CDK19: variants seen among roughly 807,000 people sequenced by gnomAD.
CDK19 encodes cyclin-dependent kinase 19.
Under a neutral mutation model 68.3 loss-of-function variants are expected in CDK19, and 20 were observed. The observed-to-expected ratio is 0.29, with a 90% CI of 0.21 to 0.43. The LOEUF is 0.43. CDK19 is among the 20% of genes least tolerant of loss of function. The pLI is 1.00. For synonymous variants in CDK19, 221 were observed against 222.8 expected, an observed-to-expected ratio of 0.99 and a Z score of 0.07; for missense variants, 339 against 623.5, an observed-to-expected ratio of 0.54 and a Z score of 4.86.
At chr6:110,763,832 G>C (rs1285556827) in intron 1 of CDK19, among the ~76,000 whole-genome samples, 3 of 152,108 alleles carry the variant, frequency 2.0e-5, no homozygotes, top group Non-Finnish European at 4.4e-5. Flanking sequence ...CACAGACGAC[G>C]TAATTGTCTA....
intron 4 of CDK19, among the ~76,000 whole-genome samples, chr6:110,658,393 G>T (rs1171484519): frequency 6.6e-6 from 1 of 152,174 alleles, no homozygotes; most frequent in Non-Finnish European, 1.5e-5. Context: ...CATTTTAAAA[G>T]AAATCAGAAT....
chr6:110,622,855 G>C lies in CDK19; in HGVS notation c.991C>G (p.Gln331Glu). The change falls in exon 10 of 13, where the codon CAG becomes GAG. Residue 331 changes from glutamine (Q) to glutamate (E), a missense_variant. By Grantham distance (29) the Gln-to-Glu change is conservative (BLOSUM62 2). Coordinates refer to ENST00000368911, the MANE Select transcript of CDK19 (RefSeq NM_015076.5). ...GGGTCCTCCTGAAAATAGGGATCCT[G>C]CAGAGCTTGCTCCGAGGTAATTCTC... Reference protein sequence around the residue: ...TKRITSEQALQDPYFQEDPLP... With the variant: ...TKRITSEQALEDPYFQEDPLP... 6.2e-7 allele frequency: 1 copy of C among 1,613,448 alleles called. No individual in the cohort carries two copies. Among genetic ancestry groups the C allele is most frequent in the South Asian group, 1.1e-5 (1 of 91,070 alleles).
intron 5 of CDK19, 148 bp from the exon 6 acceptor site, chr6:110,632,309 T>C: frequency 1.7e-6 from 1 of 601,136 alleles, no homozygotes; most frequent in Non-Finnish European, 2.9e-6. Context: ...AGCAATCCTT[T>C]TCCTCCCTTT....
intron 8 of CDK19, 116 bp from the exon 9 acceptor site, chr6:110,623,478 T>C: frequency 1.4e-6 from 2 of 1,407,720 alleles, no homozygotes; most frequent in Non-Finnish European, 1.9e-6. Context: ...CATTGTTTTT[T>C]CTGAATAAGA....
intron 1 of CDK19, among the ~76,000 whole-genome samples, chr6:110,762,745 T>C (rs773935443): frequency 6.6e-6 from 1 of 152,200 alleles, no homozygotes; most frequent in African/African-American, 2.4e-5. Flanking sequence ...GCATTTCAAT[T>C]AGAATACTTG....
intron 2 of CDK19, among the ~76,000 whole-genome samples, chr6:110,738,047 C>A (rs993622930): frequency 1.3e-5 from 2 of 152,092 alleles, no homozygotes; most frequent in African/African-American, 4.8e-5. Flanking sequence ...AAAAAAAATT[C>A]TTTTTCTACT....
chr6:110,669,986 C>T (rs1469483271), intron 3 of CDK19, among the ~76,000 whole-genome samples: 8 of 151,420 alleles, frequency 5.3e-5, no homozygotes, highest in African/African-American at 1.9e-4. Context: ...GGAGAAACCC[C>T]GTCTCTACTA....
chr6:110,768,188 A>G (rs1255142290), intron 1 of CDK19, among the ~76,000 whole-genome samples: 2 of 152,246 alleles, frequency 1.3e-5, no homozygotes, highest in African/African-American at 4.8e-5. Flanking sequence ...AAATTAAAAC[A>G]CACCACTGTA....
intron 4 of CDK19, among the ~76,000 whole-genome samples, chr6:110,644,855 A>G (rs1780447546): frequency 1.3e-5 from 2 of 152,170 alleles, no homozygotes; most frequent in Admixed American, 6.6e-5. Flanking sequence ...GTGTCTGTAA[A>G]AATTAAAAAA....
intron 2 of CDK19, among the ~76,000 whole-genome samples, chr6:110,714,888 C>T (rs775816739): frequency 1.1e-4 from 17 of 151,960 alleles, no homozygotes; most frequent in Non-Finnish European, 1.9e-4. Context: ...CATGCGCCAC[C>T]ACGCCCGGCT....
chr6:110,694,556 A>G (rs186492607), intron 2 of CDK19, among the ~76,000 whole-genome samples: 46 of 152,356 alleles, frequency 3.0e-4, no homozygotes, highest in Middle Eastern at 3.4e-3. Context: ...CAACACAGTA[A>G]TAGTGGGGGA....
intron 3 of CDK19, among the ~76,000 whole-genome samples, chr6:110,669,589 T>C: frequency 6.6e-6 from 1 of 152,224 alleles, no homozygotes; most frequent in East Asian, 1.9e-4. Flanking sequence ...AAGACCAGCT[T>C]GTGCAAGGTG....
intron 1 of CDK19, among the ~76,000 whole-genome samples, chr6:110,797,582 A>G (rs983401822): frequency 1.3e-5 from 2 of 152,248 alleles, no homozygotes; most frequent in Non-Finnish European, 2.9e-5. Flanking sequence ...GGAAGAAAGC[A>G]GCAATGAAAA....
chr6:110,669,064 A>C lies in CDK19; in HGVS notation c.315+1367T>G, dbSNP rs181858055. ...CAACATCATCTTCTTTCATCACCCC[A>C]CTGATGTTCAAAGTAAAGTACATAC... is the stretch of plus-strand genomic sequence containing the variant. On this transcript the variant is annotated intron_variant, in intron 3 of 12. Coordinates refer to ENST00000368911, the MANE Select transcript of CDK19 (RefSeq NM_015076.5). 2.1e-3 allele frequency among the ~76,000 whole-genome samples: 317 copies of C among 152,210 alleles called. 2 individuals carry two copies. Among genetic ancestry groups the C allele is most frequent in the African/African-American group, 7.4e-3 (306 of 41,522 alleles).
intron 2 of CDK19, among the ~76,000 whole-genome samples, chr6:110,742,801 T>A (rs914927658): frequency 1.3e-5 from 2 of 152,206 alleles, no homozygotes; most frequent in African/African-American, 4.8e-5. Flanking sequence ...TCCTGTTTTC[T>A]GTTGAGATGT....
chr6:110,655,295 G>A (rs923188718), intron 4 of CDK19, among the ~76,000 whole-genome samples: 30 of 151,848 alleles, frequency 2.0e-4, no homozygotes, highest in Admixed American at 7.2e-4. Context: ...GAACCCAGGA[G>A]GCAGAGGTTG....
At chr6:110,676,067 C>T (rs1771506306) in intron 2 of CDK19, among the ~76,000 whole-genome samples, 1 of 152,160 alleles carries the variant, frequency 6.6e-6, no homozygotes, top group Admixed American at 6.5e-5. Context: ...TAAAAACATT[C>T]ATGATTCCTT....
At chr6:110,725,260 T>TA (rs1776237587) in intron 2 of CDK19, among the ~76,000 whole-genome samples, 1 of 152,056 alleles carries the variant, frequency 6.6e-6, no homozygotes. Flanking sequence ...TTTTGGATGT[T>TA]AAAAAATCCC....
At chr6:110,646,360 A>C in intron 4 of CDK19, 1 of 1,465,324 alleles carries the variant, frequency 6.8e-7, no homozygotes, top group Non-Finnish European at 9.0e-7. Flanking sequence ...TGCCTCTTCC[A>C]TGTGGGCGAC....
Sources: allele counts gnomAD v4.1 joint callset (sites outside exome capture counted in the v4.1 genomes callset), GRCh38; gene constraint gnomAD v4.1.1; transcripts MANE v1.5; gene names NCBI Gene and HGNC (gene_info 2026-07-23, HGNC 2026-07-21).